Variants in NKAIN3 observed in about 807,000 individuals in gnomAD.
NKAIN3 encodes sodium/potassium-transporting ATPase subunit beta-1-interacting protein 3.
In NKAIN3, 25 loss-of-function variants were observed where a neutral mutation model predicts 30.2. The observed-to-expected ratio is 0.83, with a 90% CI of 0.60 to 1.16. NKAIN3 has a LOEUF of 1.16. Among genes scored for constraint, NKAIN3 ranks in the 50% most tolerant of loss-of-function variants. The pLI is 0.00. For synonymous variants in NKAIN3, 91 were observed against 89.6 expected, an observed-to-expected ratio of 1.02 and a Z score of -0.09; for missense variants, 225 against 254.1, an observed-to-expected ratio of 0.89 and a Z score of 0.78.
downstream of NKAIN3, among the ~76,000 whole-genome samples, chr8:62,988,506 C>T (rs1824250410): frequency 6.6e-6 from 1 of 152,262 alleles, no homozygotes; most frequent in African/African-American, 2.4e-5. Context: ...CCCACAAGCT[C>T]AACACCACAT....
intron 4 of NKAIN3, among the ~76,000 whole-genome samples, chr8:62,883,457 G>GTTTTTGTTTTTTTTT (rs1821053534): frequency 1.4e-5 from 1 of 70,224 alleles, no homozygotes; most frequent in Non-Finnish European, 2.4e-5. Context: ...AGTTTTATGG[G>GTTTTTGTTTTTTTTT]TTTTTTTTTT....
chr8:62,754,575 C>T (rs879726014), intron 4 of NKAIN3, among the ~76,000 whole-genome samples: 1 of 152,172 alleles, frequency 6.6e-6, no homozygotes, highest in Admixed American at 6.5e-5. Flanking sequence ...CATTCTTTAA[C>T]AAACCTTTGG....
intron 3 of NKAIN3, among the ~76,000 whole-genome samples, chr8:62,609,534 A>G (rs1811223471): frequency 6.6e-6 from 1 of 152,170 alleles, no homozygotes; most frequent in East Asian, 1.9e-4. Context: ...AGGGACTGAG[A>G]ATATAACTGG....
At chr8:62,555,239 A>G (rs936790458) in intron 1 of NKAIN3, among the ~76,000 whole-genome samples, 2 of 152,172 alleles carry the variant, frequency 1.3e-5, no homozygotes, top group African/African-American at 4.8e-5. Context: ...TAAAGAACCA[A>G]GGTATCATAC....
At chr8:62,856,009 T>C in intron 4 of NKAIN3, 1 of 688,024 alleles carries the variant, frequency 1.5e-6, no homozygotes, top group Non-Finnish European at 2.7e-6. Flanking sequence ...TCAGGGCACA[T>C]GAACAGGGAG....
chr8:62,856,204 T>C, intron 4 of NKAIN3: 1 of 792,234 alleles, frequency 1.3e-6, no homozygotes, highest in Non-Finnish European at 2.3e-6. Flanking sequence ...TTGTATTAAA[T>C]GTCTGGGTCT....
chr8:62,354,865 G>T (rs532749614), intron 1 of NKAIN3, among the ~76,000 whole-genome samples: 1 of 152,332 alleles, frequency 6.6e-6, no homozygotes, highest in South Asian at 2.1e-4. Context: ...AGGCAGAGCT[G>T]CATGGCAGGA....
At chr8:62,897,023 G>A (rs1018984077) in intron 4 of NKAIN3, among the ~76,000 whole-genome samples, 1 of 111,328 alleles carries the variant, frequency 9.0e-6, no homozygotes, top group East Asian at 3.3e-4. Context: ...TGTAAGATAA[G>A]GGAGAACTAC....
intron 3 of NKAIN3, among the ~76,000 whole-genome samples, chr8:62,618,492 A>T (rs1191201803): frequency 6.6e-6 from 1 of 151,306 alleles, no homozygotes; most frequent in African/African-American, 2.4e-5. Context: ...GTCCCTCATG[A>T]TTGCTTCGCT....
At chr8:62,892,053 G>A (rs1821312192) in intron 4 of NKAIN3, among the ~76,000 whole-genome samples, 1 of 152,112 alleles carries the variant, frequency 6.6e-6, no homozygotes, top group African/African-American at 2.4e-5. Context: ...TGATGAAGAT[G>A]GGTGACATAG....
chr8:62,519,595 T>C (rs1268987072), intron 1 of NKAIN3, among the ~76,000 whole-genome samples: 1 of 152,188 alleles, frequency 6.6e-6, no homozygotes, highest in East Asian at 1.9e-4. Flanking sequence ...AATTGAATGC[T>C]GATCCCAAGA....
intron 1 of NKAIN3, among the ~76,000 whole-genome samples, chr8:62,292,600 G>A (rs1349874415): frequency 3.9e-5 from 6 of 152,182 alleles, no homozygotes; most frequent in Admixed American, 3.9e-4. Flanking sequence ...TCTGCTGAGA[G>A]ATCCACCGTT....
chr8:62,401,638 A>C (rs538009667), intron 1 of NKAIN3, among the ~76,000 whole-genome samples: 4 of 152,268 alleles, frequency 2.6e-5, no homozygotes, highest in African/African-American at 9.6e-5. Context: ...GCATATCTGC[A>C]TTAGGAGGAA....
chr8:62,307,405 T>C (rs1423656548), intron 1 of NKAIN3, among the ~76,000 whole-genome samples: 1 of 150,058 alleles, frequency 6.7e-6, no homozygotes, highest in Non-Finnish European at 1.5e-5. Flanking sequence ...TCTGTCCCTA[T>C]CTCTCTGCCC....
downstream of NKAIN3, among the ~76,000 whole-genome samples, chr8:62,985,224 C>T (rs1006246634): frequency 1.3e-5 from 2 of 152,240 alleles, no homozygotes; most frequent in Non-Finnish European, 2.9e-5. Flanking sequence ...CTGCCACTCA[C>T]TCCACCCTGC....
At chr8:62,772,663 CTTT>C (rs34456138) in intron 4 of NKAIN3, among the ~76,000 whole-genome samples, 3 of 137,288 alleles carry the variant, frequency 2.2e-5, no homozygotes, top group Non-Finnish European at 3.1e-5. Flanking sequence ...CTTTTGCCTA[CTTT>C]TTTTTTTTTT....
chr8:62,422,733 T>A (rs376487663), intron 1 of NKAIN3, among the ~76,000 whole-genome samples: 194 of 152,270 alleles, frequency 1.3e-3, no homozygotes, highest in African/African-American at 4.6e-3. Context: ...ATTCCATCTC[T>A]GACTTATTTT....
intron 3 of NKAIN3, among the ~76,000 whole-genome samples, chr8:62,676,109 T>G (rs1813467409): frequency 6.6e-6 from 1 of 152,198 alleles, no homozygotes; most frequent in African/African-American, 2.4e-5. Flanking sequence ...CACAAAAATC[T>G]TATGAGGTAG....
At position 62,401,167 on chromosome 8, in the gene NKAIN3, C is replaced by G. The variant is rs143248436; in HGVS notation, c.54+152040C>G. Among the ~76,000 whole-genome samples the G allele has an allele frequency of 5.9e-5, 9 of 152,104 alleles. No homozygotes were observed. In the East Asian group the frequency reaches 1.4e-3, roughly 23 times the overall value. On this transcript the variant is annotated intron_variant, in intron 1 of 6. Transcript: ENST00000623646. ...CTGTCTGTGTATTTTCACATAGCCTCTCTTCAAATTCACTAATTCTTCTGC... is the reference window on the plus strand; with the variant it reads ...CTGTCTGTGTATTTTCACATAGCCTGTCTTCAAATTCACTAATTCTTCTGC...
Sources: gnomAD v4.1 joint callset for allele counts (sites outside exome capture counted in the v4.1 genomes callset) on GRCh38, gnomAD v4.1.1 for gene constraint, MANE v1.5 for transcripts, NCBI Gene and HGNC (gene_info 2026-07-23, HGNC 2026-07-21) for gene names.